The following CDKN2B-AS1 variants were observed in gnomAD, a reference collection of about 807,000 sequenced individuals.
The protein encoded by CDKN2B-AS1 is CDKN2B antisense RNA 1 (non-protein coding).
At chr9:22,007,469 C>A (rs1204616773) in intron 1 of CDKN2B-AS1, among the ~76,000 whole-genome samples, 4 of 152,086 alleles carry the variant, frequency 2.6e-5, no homozygotes, top group African/African-American at 9.7e-5. Context: ...CCTGTAGCAG[C>A]CATTTGTGTA....
chr9:22,033,794 T>G (rs559655808), intron 1 of CDKN2B-AS1, among the ~76,000 whole-genome samples: 2 of 152,340 alleles, frequency 1.3e-5, no homozygotes, highest in Admixed American at 6.5e-5. Flanking sequence ...ATAACGCTGG[T>G]GTTTGCCATC....
chr9:22,021,703 G>A (rs1822024707), intron 1 of CDKN2B-AS1, among the ~76,000 whole-genome samples: 1 of 152,022 alleles, frequency 6.6e-6, no homozygotes, highest in Non-Finnish European at 1.5e-5. Context: ...TGAGACAATG[G>A]GGTCTTCTAG....
At chr9:22,095,568 T>A (rs202076161) in intron 4 of CDKN2B-AS1, among the ~76,000 whole-genome samples, 1,473 of 146,776 alleles carry the variant, frequency 0.01, 13 homozygotes, top group African/African-American at 0.024. Flanking sequence ...TATTCTGTTG[T>A]TTTGGGGTGG....
intron 4 of CDKN2B-AS1, among the ~76,000 whole-genome samples, chr9:22,064,175 G>A (rs1187378856): frequency 1.3e-5 from 2 of 152,112 alleles, no homozygotes; most frequent in Admixed American, 1.3e-4. Context: ...TGGAGTTTGG[G>A]GGGAGAAGAG....
intron 4 of CDKN2B-AS1, among the ~76,000 whole-genome samples, chr9:22,126,320 A>G (rs980737115): frequency 1.1e-4 from 17 of 152,334 alleles, no homozygotes; most frequent in Admixed American, 7.2e-4. Context: ...TCCTCTGGAG[A>G]ATAAAATGAG....
chr9:22,092,032 A>AG (rs548093774), intron 4 of CDKN2B-AS1, among the ~76,000 whole-genome samples: 1,577 of 152,220 alleles, frequency 0.01, 30 homozygotes, highest in African/African-American at 0.034. Context: ...TTTAGCATGA[A>AG]GGTTGTTGAA....
chr9:22,096,146 G>A (rs1039952687), intron 4 of CDKN2B-AS1, among the ~76,000 whole-genome samples: 1 of 152,190 alleles, frequency 6.6e-6, no homozygotes, highest in Non-Finnish European at 1.5e-5. Context: ...ACAATACAGT[G>A]CATCTGGGAA....
chr9:22,084,964 A>G (rs1412664310), intron 4 of CDKN2B-AS1, among the ~76,000 whole-genome samples: 5 of 152,206 alleles, frequency 3.3e-5, no homozygotes, highest in African/African-American at 9.7e-5. Flanking sequence ...CTAAGATAAC[A>G]CGAACACCCA....
chr9:22,122,037 C>A (rs72654285), intron 4 of CDKN2B-AS1, among the ~76,000 whole-genome samples: 2 of 150,470 alleles, frequency 1.3e-5, no homozygotes, highest in Non-Finnish European at 3.0e-5. Flanking sequence ...TCCCTTTTCT[C>A]CAAATCCCTG....
At chr9:22,066,419 T>A (rs951666075) in intron 4 of CDKN2B-AS1, 2 of 151,802 alleles carry the variant, frequency 1.3e-5, no homozygotes, top group Admixed American at 1.3e-4. Flanking sequence ...CATCTCAAAT[T>A]CATGGCCTCC....
Position 22,096,445 on chromosome 9 carries a change from C to G in CDKN2B-AS1, n.439-30658C>G, listed in dbSNP as rs374549558. 4 of 152,072 alleles carry G rather than the reference C, an allele frequency of 2.6e-5. No individual in the cohort carries two copies. The East Asian group carries it at 5.8e-4, about 22-fold the overall frequency. 9.4% of individuals were successfully genotyped at this position (152,072 alleles called of 1,614,324 possible). On this transcript the variant is annotated intron_variant and non_coding_transcript_variant, in intron 4 of 4. Coordinates refer to ENST00000650946, the Ensembl canonical transcript of CDKN2B-AS1. ...GAGGTTACAGCTTAGTGTGGAGACACACAGATGCCTAACGCACTATGGTAT... is the reference window on the plus strand; with the variant it reads ...GAGGTTACAGCTTAGTGTGGAGACAGACAGATGCCTAACGCACTATGGTAT...
At chr9:22,022,654 A>G (rs960554272) in intron 1 of CDKN2B-AS1, among the ~76,000 whole-genome samples, 3 of 151,858 alleles carry the variant, frequency 2.0e-5, no homozygotes, top group Non-Finnish European at 4.4e-5. Flanking sequence ...ATTTAAGGTT[A>G]TGATCCTGTC....
intron 1 of CDKN2B-AS1, chr9:22,008,961 C>G (rs1281831012): frequency 6.2e-7 from 1 of 1,612,956 alleles, no homozygotes; most frequent in Admixed American, 1.7e-5. Context: ...CATTCCGCAG[C>G]CCCCAGACGC....
At chr9:22,060,315 C>T (rs2131297204) in intron 4 of CDKN2B-AS1, among the ~76,000 whole-genome samples, 1 of 152,306 alleles carries the variant, frequency 6.6e-6, no homozygotes, top group East Asian at 1.9e-4. Flanking sequence ...TAAATCATCT[C>T]TCTCAAGTTC....
chr9:22,095,228 G>A (rs72652444), intron 4 of CDKN2B-AS1, among the ~76,000 whole-genome samples: 1 of 144,874 alleles, frequency 6.9e-6, no homozygotes, highest in Non-Finnish European at 1.5e-5. Context: ...CCCTACTGGG[G>A]GGTGCCTCAC....
chr9:22,046,578 T>C (rs1013680505), intron 1 of CDKN2B-AS1: 1 of 152,192 alleles, frequency 6.6e-6, no homozygotes, highest in African/African-American at 2.4e-5. Flanking sequence ...ACTATTATTG[T>C]GTTCTATTTA....
chr9:22,071,281 C>CTAGCTTTT (rs1477097460), intron 4 of CDKN2B-AS1, among the ~76,000 whole-genome samples: 3 of 90,816 alleles, frequency 3.3e-5, no homozygotes, highest in African/African-American at 1.5e-4. Flanking sequence ...TTAGAAATAT[C>CTAGCTTTT]TAGCTTTTTT....
Position 21,997,308 on chromosome 9 carries a change from G to A in CDKN2B-AS1, n.29+2147G>A, listed in dbSNP as rs1210827708. Among the ~76,000 whole-genome samples the A allele has an allele frequency of 6.6e-6, 1 of 152,160 alleles. No homozygotes were observed. The highest frequency in any genetic ancestry group is 1.5e-5 in the Non-Finnish European group (1 of 68,028). ...CTTTAGGACAGCTATGACATCACTA[G>A]GGGATAGGAATTTTTCACATCCATT... is the stretch of plus-strand genomic sequence containing the variant. On this transcript the variant is annotated intron_variant and non_coding_transcript_variant, in intron 1 of 4. Coordinates refer to ENST00000650946, the Ensembl canonical transcript of CDKN2B-AS1. This position sits in a 1 kb window ranked among gnomAD's most constrained non-coding sequence, Gnocchi z 4.8.
chr9:22,045,125 A>C (rs1447239311), intron 1 of CDKN2B-AS1, among the ~76,000 whole-genome samples: 3 of 151,540 alleles, frequency 2.0e-5, no homozygotes, highest in Non-Finnish European at 2.9e-5. Context: ...GATTTTATAA[A>C]CAGAAGCAAT....
Sources: allele counts gnomAD v4.1 joint callset (sites outside exome capture counted in the v4.1 genomes callset), GRCh38; gene constraint gnomAD v4.1.1; non-coding constraint Gnocchi (gnomAD v3.1); transcripts MANE v1.5; gene names NCBI Gene and HGNC (gene_info 2026-07-23, HGNC 2026-07-21).